DTNA: variants seen among roughly 807,000 people sequenced by gnomAD.
DTNA encodes dystrophin-related protein 3.
A neutral mutation model predicts 100.7 loss-of-function variants in DTNA; 43 were observed. The ratio of observed to expected loss-of-function variants is 0.43; its 90% confidence interval spans 0.33 to 0.55. DTNA has a LOEUF of 0.55. Ranked by LOEUF, DTNA falls within the 20% of genes least tolerant of loss-of-function variation. The pLI is 0.04. For synonymous variants in DTNA, 349 were observed against 347.9 expected, an observed-to-expected ratio of 1.00 and a Z score of -0.04; for missense variants, 798 against 953.9, an observed-to-expected ratio of 0.84 and a Z score of 2.15.
At chr18:34,502,444 G>T (rs113915425) in intron 1 of DTNA, among the ~76,000 whole-genome samples, 1 of 152,092 alleles carries the variant, frequency 6.6e-6, no homozygotes, top group Non-Finnish European at 1.5e-5. Flanking sequence ...TTGACAGGGA[G>T]CTAAGATTAT....
At chr18:34,551,603 T>C (rs898479888) in intron 1 of DTNA, among the ~76,000 whole-genome samples, 3 of 152,152 alleles carry the variant, frequency 2.0e-5, no homozygotes, top group African/African-American at 7.2e-5. Flanking sequence ...CCTCAGAGGC[T>C]GAGGTCCCTA....
At chr18:34,567,945 T>G (rs1252412572) in intron 1 of DTNA, among the ~76,000 whole-genome samples, 1 of 152,186 alleles carries the variant, frequency 6.6e-6, no homozygotes. Context: ...AAATACAATT[T>G]TATGTTATTT....
At chr18:34,814,334 G>C (rs566881074) in intron 6 of DTNA, among the ~76,000 whole-genome samples, 3 of 152,070 alleles carry the variant, frequency 2.0e-5, no homozygotes, top group Non-Finnish European at 2.9e-5. Context: ...TAATGCCTCA[G>C]AATATATGTC....
intron 1 of DTNA, among the ~76,000 whole-genome samples, chr18:34,702,287 A>G (rs946053257): frequency 1.3e-5 from 2 of 152,130 alleles, no homozygotes; most frequent in East Asian, 1.9e-4. Context: ...TTCTATCCTC[A>G]TAGCCCATTC....
intron 3 of DTNA, among the ~76,000 whole-genome samples, chr18:34,779,793 A>G (rs956618360): frequency 2.0e-5 from 3 of 152,224 alleles, no homozygotes; most frequent in Admixed American, 6.5e-5. Context: ...GGGCAGCATA[A>G]GAAAACAAAT....
chr18:34,609,313 C>T (rs1471955945), intron 1 of DTNA, among the ~76,000 whole-genome samples: 5 of 147,646 alleles, frequency 3.4e-5, no homozygotes, highest in African/African-American at 1.3e-4. Context: ...GGCGCAATCT[C>T]GGCTCACTGC....
chr18:34,552,038 T>C (rs1448672587), intron 1 of DTNA, among the ~76,000 whole-genome samples: 1 of 152,070 alleles, frequency 6.6e-6, no homozygotes, highest in Non-Finnish European at 1.5e-5. Context: ...ACTGCTTGGC[T>C]CCATTTCAGC....
chr18:34,585,465 C>T (rs1280345987), intron 1 of DTNA, among the ~76,000 whole-genome samples: 1 of 152,042 alleles, frequency 6.6e-6, no homozygotes, highest in Admixed American at 6.5e-5. Context: ...ATAATATATA[C>T]AAGTTAAAAT....
intron 1 of DTNA, among the ~76,000 whole-genome samples, chr18:34,628,948 G>C (rs536826488): frequency 6.6e-6 from 1 of 151,970 alleles, no homozygotes; most frequent in Non-Finnish European, 1.5e-5. Context: ...TTCACAAAGC[G>C]CCTCCTCCCC....
intron 1 of DTNA, among the ~76,000 whole-genome samples, chr18:34,546,194 G>C (rs16965426): frequency 2.0e-5 from 3 of 151,916 alleles, no homozygotes; most frequent in Non-Finnish European, 2.9e-5. Context: ...AAAAACATGG[G>C]TCTCCCCTTC....
intron 1 of DTNA, among the ~76,000 whole-genome samples, chr18:34,701,036 C>G (rs1568255259): frequency 6.6e-6 from 1 of 152,126 alleles, no homozygotes; most frequent in Non-Finnish European, 1.5e-5. Context: ...CAGCCATTTT[C>G]TCTCTCACAT....
intron 1 of DTNA, among the ~76,000 whole-genome samples, chr18:34,571,811 A>G (rs1160921585): frequency 2.0e-5 from 3 of 152,164 alleles, no homozygotes; most frequent in Non-Finnish European, 4.4e-5. Flanking sequence ...AACATACCCC[A>G]TTCCAAAAAG....
At chr18:34,622,465 C>T (rs914154429) in intron 1 of DTNA, among the ~76,000 whole-genome samples, 9 of 152,060 alleles carry the variant, frequency 5.9e-5, no homozygotes, top group African/African-American at 1.4e-4. Flanking sequence ...TCAACTTGAC[C>T]GGATTAAGGA....
intron 1 of DTNA, among the ~76,000 whole-genome samples, chr18:34,591,897 C>A (rs750526001): frequency 6.6e-6 from 1 of 152,070 alleles, no homozygotes; most frequent in Non-Finnish European, 1.5e-5. Flanking sequence ...TAATATGATG[C>A]CAATTAATCA....
intron 4 of DTNA, among the ~76,000 whole-genome samples, chr18:34,797,410 A>G (rs1233183172): frequency 6.6e-6 from 1 of 152,166 alleles, no homozygotes; most frequent in East Asian, 1.9e-4. Flanking sequence ...AACTTGAGCC[A>G]GTCTCTTCCT....
intron 1 of DTNA, among the ~76,000 whole-genome samples, chr18:34,565,985 G>A (rs1331778861): frequency 6.6e-6 from 1 of 152,136 alleles, no homozygotes; most frequent in Non-Finnish European, 1.5e-5. Flanking sequence ...ACACCAAAAT[G>A]CCTGGCAAAT....
At chr18:34,591,352 G>A (rs747324588) in intron 1 of DTNA, among the ~76,000 whole-genome samples, 1 of 152,154 alleles carries the variant, frequency 6.6e-6, no homozygotes, top group Non-Finnish European at 1.5e-5. Flanking sequence ...ATTTATCTAA[G>A]ATGTAGGCCA....
At chr18:34,698,418 T>A (rs1215600820) in intron 1 of DTNA, among the ~76,000 whole-genome samples, 1 of 152,202 alleles carries the variant, frequency 6.6e-6, no homozygotes, top group African/African-American at 2.4e-5. Context: ...CTTCTGTGGG[T>A]TCCAGTAGTC....
At position 34,888,271 on chromosome 18, in the gene DTNA, T is replaced by G; in HGVS notation, c.*537T>G. The G allele has an allele frequency of 1.0e-6, 1 of 985,850 alleles. No individual in the cohort carries two copies. The highest frequency in any genetic ancestry group is 1.2e-6 in the Non-Finnish European group (1 of 829,934). The allele number at this position is 985,850 out of a possible 1,614,324, so 61.1% of individuals were successfully genotyped here. On this transcript the variant is annotated 3_prime_UTR_variant, in exon 23 of 23. Coordinates refer to ENST00000444659, the MANE Select transcript of DTNA (RefSeq NM_001386795.1). ...CAGTTTATTATACACTGTACATTTT[T>G]TTCACAGCAATTGGAAAAAAACAAC... is the stretch of plus-strand genomic sequence containing the variant.
Sources: gnomAD v4.1 joint callset for allele counts (sites outside exome capture counted in the v4.1 genomes callset) on GRCh38, gnomAD v4.1.1 for gene constraint, MANE v1.5 for transcripts, NCBI Gene and HGNC (gene_info 2026-07-23, HGNC 2026-07-21) for gene names.